SNTG1: variants seen among roughly 807,000 people sequenced by gnomAD.
The protein encoded by SNTG1 is gamma-1-syntrophin.
Under a neutral mutation model 74.7 loss-of-function variants are expected in SNTG1, and 39 were observed. The ratio of observed to expected loss-of-function variants is 0.52; its 90% confidence interval spans 0.40 to 0.68. SNTG1 has a LOEUF of 0.68. Among genes scored for constraint, SNTG1 ranks in the 30% least tolerant of loss-of-function variants. The probability of loss-of-function intolerance (pLI) is 0.00; values close to 1 mark genes in which losing one functional copy is unlikely to be tolerated. For synonymous variants in SNTG1, 254 were observed against 217.1 expected (o/e 1.17, Z -1.49); for missense variants, 685 against 609.5 (o/e 1.12, Z -1.30).
chr8:50,422,292 T>C (rs1040037055), intron 4 of SNTG1, among the ~76,000 whole-genome samples: 1 of 150,646 alleles, frequency 6.6e-6, no homozygotes, highest in Admixed American at 6.7e-5. Flanking sequence ...TCTATGTAGA[T>C]AGGTAGATCA....
At chr8:50,311,297 A>T (rs985976185) in intron 2 of SNTG1, among the ~76,000 whole-genome samples, 11 of 152,204 alleles carry the variant, frequency 7.2e-5, no homozygotes, top group African/African-American at 2.4e-4. Context: ...GGGCCTGCAG[A>T]ACCCACACAG....
chr8:50,272,336 C>G (rs1215421013), intron 2 of SNTG1, among the ~76,000 whole-genome samples: 1 of 152,170 alleles, frequency 6.6e-6, no homozygotes, highest in Admixed American at 6.5e-5. Flanking sequence ...CAAAGTGAAG[C>G]AGCAGCTTTT....
intron 8 of SNTG1, among the ~76,000 whole-genome samples, chr8:50,490,321 G>A (rs749955143): frequency 1.3e-5 from 2 of 152,168 alleles, no homozygotes; most frequent in Non-Finnish European, 2.9e-5. Context: ...GTCAATGGTA[G>A]CTTGATGGGA....
chr8:50,313,629 G>T (rs2090202575), intron 2 of SNTG1, among the ~76,000 whole-genome samples: 2 of 149,598 alleles, frequency 1.3e-5, no homozygotes, highest in African/African-American at 5.0e-5. Context: ...AGTTAAAATG[G>T]CTATTATATT....
chr8:50,186,507 CT>C (rs1429588673), intron 2 of SNTG1, among the ~76,000 whole-genome samples: 2 of 152,098 alleles, frequency 1.3e-5, no homozygotes, highest in African/African-American at 4.8e-5. Flanking sequence ...AAAAACATTC[CT>C]ATTTCTCCAC....
chr8:50,725,838 A>G (rs955860809), intron 17 of SNTG1, among the ~76,000 whole-genome samples: 2 of 152,230 alleles, frequency 1.3e-5, no homozygotes, highest in Non-Finnish European at 1.5e-5. Flanking sequence ...CTGGTTTGAT[A>G]TAAATTTTGA....
chr8:50,398,887 T>C (rs576436859), intron 3 of SNTG1, among the ~76,000 whole-genome samples: 1 of 152,194 alleles, frequency 6.6e-6, no homozygotes, highest in East Asian at 1.9e-4. Flanking sequence ...CCAAGATCGC[T>C]CCACTGCACT....
chr8:50,502,251 A>T (rs1007752977), intron 8 of SNTG1, among the ~76,000 whole-genome samples: 1 of 152,192 alleles, frequency 6.6e-6, no homozygotes, highest in Admixed American at 6.5e-5. Flanking sequence ...AGAGGATTAG[A>T]GTGAATTGGG....
intron 2 of SNTG1, among the ~76,000 whole-genome samples, chr8:50,287,902 TG>T (rs2130517389): frequency 6.8e-6 from 1 of 147,070 alleles, no homozygotes; most frequent in East Asian, 1.9e-4. Context: ...TCCACCCCTC[TG>T]TGTCCATCCA....
In SNTG1 at chr8:50,730,199, T is replaced by A. The variant is rs77778927; in HGVS notation, c.1284+21221T>A. The stretch of plus-strand genomic sequence containing the variant: ...ATTTGAATATATGAAAGTAAAACTA[T>A]ATTTGGAAAAACAAAGAGAACCGTG... On this transcript the variant is annotated intron_variant, in intron 17 of 18. Coordinates refer to ENST00000642720, the MANE Select transcript of SNTG1 (RefSeq NM_018967.5). Among the ~76,000 whole-genome samples, 391 of 152,294 alleles carry A rather than the reference T, an allele frequency of 2.6e-3. 3 individuals carry two copies. The highest frequency in any genetic ancestry group is 9.1e-3 in the African/African-American group (377 of 41,574).
chr8:50,582,233 C>G (rs1007125138), intron 12 of SNTG1, among the ~76,000 whole-genome samples: 17 of 152,110 alleles, frequency 1.1e-4, no homozygotes, highest in African/African-American at 2.4e-5. Flanking sequence ...ATGAGTTTAA[C>G]TTTGTTGTAA....
At chr8:50,105,534 T>G (rs529625312) in intron 1 of SNTG1, among the ~76,000 whole-genome samples, 8 of 152,202 alleles carry the variant, frequency 5.3e-5, no homozygotes, top group African/African-American at 1.9e-4. Flanking sequence ...TTGGGCTCTT[T>G]TTTGTCTTCA....
intron 8 of SNTG1, among the ~76,000 whole-genome samples, chr8:50,467,327 C>A (rs997611387): frequency 5.3e-5 from 8 of 151,698 alleles, no homozygotes; most frequent in African/African-American, 1.9e-4. Flanking sequence ...ATTATTTATT[C>A]GTTAAATATC....
intron 2 of SNTG1, among the ~76,000 whole-genome samples, chr8:50,240,049 A>G (rs1267551388): frequency 6.6e-6 from 1 of 152,218 alleles, no homozygotes; most frequent in Non-Finnish European, 1.5e-5. Flanking sequence ...ATATTTGTAA[A>G]AACAGTTAAT....
intron 9 of SNTG1, among the ~76,000 whole-genome samples, chr8:50,521,393 T>A (rs1214635774): frequency 6.6e-6 from 1 of 152,214 alleles, no homozygotes; most frequent in Non-Finnish European, 1.5e-5. Context: ...TTCCTGCACA[T>A]GTACCCCAGA....
Position 50,055,010 on chromosome 8 carries a change from C to A in SNTG1, c.-102-117551C>A, listed in dbSNP as rs569384022. On this transcript the variant is annotated intron_variant, in intron 1 of 18. Transcript: ENST00000642720. ...CCTTCAATTTTTTTTAAACTTCTCTCACTCATATGGCTGAACCACCCTGCC... is the reference window on the plus strand; with the variant it reads ...CCTTCAATTTTTTTTAAACTTCTCTAACTCATATGGCTGAACCACCCTGCC... Among the ~76,000 whole-genome samples, 167 of 152,180 alleles carry A rather than the reference C, an allele frequency of 1.1e-3. No individual in the cohort carries two copies. In the Middle Eastern group the frequency reaches 0.014, roughly 12 times the overall value.
chr8:50,281,838 G>A lies in SNTG1; in HGVS notation c.-28+109203G>A, dbSNP rs74910439. 2.0e-3 allele frequency among the ~76,000 whole-genome samples: 310 copies of A among 152,252 alleles called. 1 individual carries two copies. Among genetic ancestry groups the A allele is most frequent in the African/African-American group, 7.1e-3 (295 of 41,558 alleles). On this transcript the variant is annotated intron_variant, in intron 2 of 18. Coordinates refer to ENST00000642720, the MANE Select transcript of SNTG1 (RefSeq NM_018967.5). ...AGCAAGAGTAGCAATTGAACGTATA[G>A]GATCTGTTAAAGTCCACTTTGCTGG...
chr8:50,122,395 A>G (rs1053826888), intron 1 of SNTG1, among the ~76,000 whole-genome samples: 1 of 141,054 alleles, frequency 7.1e-6, no homozygotes, highest in East Asian at 2.0e-4. Flanking sequence ...TTCAGGAGTT[A>G]CAGTAGATTT....
At chr8:50,775,103 T>A (rs1329532957) in intron 18 of SNTG1, among the ~76,000 whole-genome samples, 1 of 151,372 alleles carries the variant, frequency 6.6e-6, no homozygotes, top group Non-Finnish European at 1.5e-5. Context: ...TGATATAAAG[T>A]GAACATAAAT....
Sources: gnomAD v4.1 joint callset for allele counts (sites outside exome capture counted in the v4.1 genomes callset) on GRCh38, gnomAD v4.1.1 for gene constraint, MANE v1.5 for transcripts, NCBI Gene and HGNC (gene_info 2026-07-23, HGNC 2026-07-21) for gene names.